ARID4B: variants seen among roughly 807,000 people sequenced by gnomAD.
ARID4B encodes the protein AT-rich interactive domain-containing protein 4B.
A neutral mutation model predicts 147.5 loss-of-function variants in ARID4B; 26 were observed. The observed-to-expected ratio is 0.18, with a 90% confidence interval of 0.13 to 0.24. The LOEUF (loss-of-function observed/expected upper bound fraction) is 0.24, where lower values mean the gene tolerates loss of function less well. Among genes scored for constraint, ARID4B ranks in the 10% least tolerant of loss-of-function variants. ARID4B has a pLI of 1.00. For missense variants in ARID4B, 1,179 were observed against 1,511.5 expected (o/e 0.78, Z 3.65); for synonymous variants, 512 against 507.9 (o/e 1.01, Z -0.11).
chr1:235,318,939 C>G (rs1364075222), intron 2 of ARID4B, among the ~76,000 whole-genome samples: 13 of 152,032 alleles, frequency 8.6e-5, no homozygotes. Context: ...CAGTGAATGA[C>G]TGCTAATGGA....
intron 14 of ARID4B, among the ~76,000 whole-genome samples, chr1:235,221,275 ATT>A (rs1312617054): frequency 3.9e-5 from 6 of 152,250 alleles, no homozygotes. Context: ...ACAGTTAATA[ATT>A]GGCAGAACTA....
At chr1:235,302,162 A>AAC (rs1673201500) in intron 2 of ARID4B, among the ~76,000 whole-genome samples, 2 of 144,168 alleles carry the variant, frequency 1.4e-5, no homozygotes, top group Admixed American at 6.9e-5. Context: ...GGAAAAAAAA[A>AAC]AAAAAAAAAA....
At chr1:235,249,713 G>A (rs865920970) in intron 6 of ARID4B, among the ~76,000 whole-genome samples, 29 of 151,680 alleles carry the variant, frequency 1.9e-4, no homozygotes, top group Middle Eastern at 6.8e-3. Flanking sequence ...AGGCTGAGGC[G>A]GGCGTATCAC....
chr1:235,188,865 A>C (rs762474811), intron 19 of ARID4B, among the ~76,000 whole-genome samples: 8 of 152,204 alleles, frequency 5.3e-5, no homozygotes, highest in Non-Finnish European at 1.5e-5. Context: ...TTTCCAAATC[A>C]GTTTAGTCTT....
At chr1:235,320,124 TA>T (rs369901272) in intron 2 of ARID4B, among the ~76,000 whole-genome samples, 19,099 of 135,358 alleles carry the variant, frequency 0.14, 1,384 homozygotes, top group African/African-American at 0.21. Flanking sequence ...AAACTCCGTC[TA>T]AAAAAAAAAA....
In ARID4B at chr1:235,200,832, A is replaced by G. The variant is rs35148492; in HGVS notation, c.1842-4717T>C. Among the ~76,000 whole-genome samples the G allele has an allele frequency of 9.6e-3, 1,469 of 152,306 alleles. 16 individuals carry two copies. Among genetic ancestry groups the G allele is most frequent in the South Asian group, 0.042 (203 of 4,828 alleles). ...ATGGGAAATTTTAGCTCAAGTTCAC[A>G]TATCTTGAATTTCATAAAAAATTAA... On this transcript the variant is annotated intron_variant, in intron 17 of 23. Transcript: ENST00000264183.
chr1:235,260,979 A>G (rs1670256708), intron 2 of ARID4B, among the ~76,000 whole-genome samples: 1 of 152,214 alleles, frequency 6.6e-6, no homozygotes. Context: ...TCTTATTTCC[A>G]TTAAATACAT....
intron 2 of ARID4B, among the ~76,000 whole-genome samples, chr1:235,318,998 A>G (rs1211240261): frequency 6.6e-6 from 1 of 152,200 alleles, no homozygotes; most frequent in Non-Finnish European, 1.5e-5. Context: ...GTTAAATAGC[A>G]GTGACAGATA....
At chr1:235,258,358 A>T (rs1670109047) in intron 3 of ARID4B, among the ~76,000 whole-genome samples, 1 of 152,084 alleles carries the variant, frequency 6.6e-6, no homozygotes, top group Non-Finnish European at 1.5e-5. Context: ...AAAACAAAAA[A>T]CAGAAAGTGT....
chr1:235,207,090 A>G (rs1041304092), intron 17 of ARID4B, among the ~76,000 whole-genome samples: 1 of 152,248 alleles, frequency 6.6e-6, no homozygotes, highest in Non-Finnish European at 1.5e-5. Flanking sequence ...GAAAACACAG[A>G]GAATGTGGCA....
At chr1:235,293,977 G>A (rs1672507369) in intron 2 of ARID4B, among the ~76,000 whole-genome samples, 1 of 152,092 alleles carries the variant, frequency 6.6e-6, no homozygotes, top group African/African-American at 2.4e-5. Context: ...TAAGTAATTG[G>A]AGGGGGTGGA....
intron 2 of ARID4B, among the ~76,000 whole-genome samples, chr1:235,286,356 G>A (rs924858813): frequency 2.0e-5 from 3 of 152,152 alleles, no homozygotes; most frequent in African/African-American, 7.2e-5. Flanking sequence ...TTAAACTAAA[G>A]CCTATAATGT....
At position 235,210,228 on chromosome 1, in the gene ARID4B, C is replaced by G. The variant is rs572212334; in HGVS notation, c.1841+3541G>C. Among the ~76,000 whole-genome samples the G allele has an allele frequency of 1.1e-3, 174 of 151,908 alleles. 1 individual carries two copies. The highest frequency in any genetic ancestry group is 4.1e-3 in the African/African-American group (170 of 41,424). On this transcript the variant is annotated intron_variant, in intron 17 of 23. Transcript: ENST00000264183. ...TGACAGAACAAGGTCCTGTCTGTCT[C>G]TCTCTTTTTTTTTAATCTGAAATAC...
chr1:235,290,433 C>CAAA (rs35171807), intron 2 of ARID4B, among the ~76,000 whole-genome samples: 2 of 131,962 alleles, frequency 1.5e-5, no homozygotes, highest in Non-Finnish European at 1.6e-5. Flanking sequence ...ATTCCATCAC[C>CAAA]AAAAAAAAAA....
At chr1:235,234,330 CTAAT>C (rs751250449) in intron 9 of ARID4B, 79 bp downstream of exon 9, 15 of 866,098 alleles carry the variant, frequency 1.7e-5, no homozygotes, top group African/African-American at 6.9e-5. Context: ...TTGGAAATAA[CTAAT>C]TAATCATTTA....
chr1:235,229,045 A>G, intron 11 of ARID4B, 186 bp downstream of exon 11: 3 of 650,710 alleles, frequency 4.6e-6, no homozygotes, highest in Non-Finnish European at 7.3e-6. Context: ...TTTCTATTTC[A>G]CAAGATCATA....
intron 8 of ARID4B, among the ~76,000 whole-genome samples, chr1:235,237,890 C>A (rs1558234764): frequency 1.3e-5 from 2 of 152,076 alleles, no homozygotes; most frequent in African/African-American, 4.8e-5. Context: ...CTGGCTCATG[C>A]CTGTAATCCC....
intron 6 of ARID4B, among the ~76,000 whole-genome samples, chr1:235,250,113 T>A (rs991562874): frequency 6.0e-5 from 9 of 151,174 alleles, no homozygotes; most frequent in Middle Eastern, 3.4e-3. Flanking sequence ...TCTCAAAAAA[T>A]AATAATAATA....
chr1:235,302,928 T>C lies in ARID4B; in HGVS notation c.6+23986A>G, dbSNP rs114682367. Among the ~76,000 whole-genome samples the C allele has an allele frequency of 3.6e-3, 415 of 116,860 alleles. 2 individuals are homozygous for C. Among genetic ancestry groups the C allele is most frequent in the African/African-American group, 0.012 (395 of 31,912 alleles). 76.7% of individuals were successfully genotyped at this position (116,860 alleles called of 152,430 possible). ...TTCAGTTTGAGAGTTTATATTCTTC[T>C]TTTTTTCTTTTTTTTGAGACGGAGT... On this transcript the variant is annotated intron_variant, in intron 2 of 23. Transcript: ENST00000264183.
Sources: allele counts gnomAD v4.1 joint callset (sites outside exome capture counted in the v4.1 genomes callset), GRCh38; gene constraint gnomAD v4.1.1; transcripts MANE v1.5; gene names NCBI Gene and HGNC (gene_info 2026-07-23, HGNC 2026-07-21).